PRDM16: variants seen among roughly 807,000 people sequenced by gnomAD.
PRDM16 encodes the protein PR/SET domain 16, also known as histone-lysine N-methyltransferase PRDM16.
PRDM16 carries 23 observed loss-of-function variants against 110.6 expected under a neutral mutation model. The ratio of observed to expected loss-of-function variants is 0.21; its 90% CI spans 0.15 to 0.29. PRDM16 has a LOEUF of 0.29. PRDM16 is among the 10% of genes least tolerant of loss of function. The pLI is 1.00. For missense variants in PRDM16, 1,615 were observed against 1,794.3 expected (o/e 0.90, Z 1.81); for synonymous variants, 799 against 781.8 (o/e 1.02, Z -0.37).
intron 1 of PRDM16, among the ~76,000 whole-genome samples, chr1:3,078,632 A>G (rs1396415350): frequency 6.6e-6 from 1 of 152,174 alleles, no homozygotes. Flanking sequence ...CTCTCTTTTT[A>G]ATTCGGTAGT....
chr1:3,124,240 C>T (rs947528571), intron 1 of PRDM16, among the ~76,000 whole-genome samples: 6 of 152,092 alleles, frequency 3.9e-5, no homozygotes, highest in East Asian at 1.9e-4. Context: ...AGCTGGAGGC[C>T]GGCAGTGGGG....
At chr1:3,415,119 T>C (rs1288270286) in intron 10 of PRDM16, among the ~76,000 whole-genome samples, 1 of 152,022 alleles carries the variant, frequency 6.6e-6, no homozygotes, top group Non-Finnish European at 1.5e-5. Context: ...AGGGAGGTGG[T>C]GGGCAGGGGG....
intron 1 of PRDM16, among the ~76,000 whole-genome samples, chr1:3,098,696 C>T (rs1642463384): frequency 6.6e-6 from 1 of 152,232 alleles, no homozygotes; most frequent in African/African-American, 2.4e-5. Flanking sequence ...CTGAGGTCTA[C>T]ACGGGGGTGC....
At chr1:3,268,240 G>T (rs1640343436) in intron 3 of PRDM16, among the ~76,000 whole-genome samples, 1 of 152,220 alleles carries the variant, frequency 6.6e-6, no homozygotes, top group African/African-American at 2.4e-5. Flanking sequence ...GTGGAAGTGT[G>T]TTTGTCTCCG....
chr1:3,192,576 G>T (rs1022374451), intron 2 of PRDM16, among the ~76,000 whole-genome samples: 2 of 152,166 alleles, frequency 1.3e-5, no homozygotes, highest in African/African-American at 2.4e-5. Context: ...AGTGGGCGGG[G>T]CTTGGTGCTG....
chr1:3,404,923 A>C (rs1309772814), intron 7 of PRDM16, 37 bp downstream of exon 7: 4 of 1,600,766 alleles, frequency 2.5e-6, no homozygotes, highest in Non-Finnish European at 3.4e-6. Flanking sequence ...GCCCCGGGGC[A>C]GCAGGAGGCT....
In PRDM16 at chr1:3,412,304, T is replaced by C; in HGVS notation, c.2107T>C (p.Tyr703His). Residue 703 changes from tyrosine to histidine, a missense_variant, in exon 9 of 17, where the codon TAC (tyrosine) becomes CAC (histidine). Physicochemically the swap from Tyr to His is moderately conservative, Grantham distance 83. Transcript: ENST00000270722. ...GGCCATCGCATCCATTGCCGAGAAG[T>C]ACTTTGGCCCCGGCTTCATGGGGAT... Reference protein sequence around the residue: ...IKAIASIAEKYFGPGFMGMQE... With the variant: ...IKAIASIAEKHFGPGFMGMQE... The C allele has an allele frequency of 6.2e-7, 1 of 1,613,760 alleles. No homozygotes were observed. Among genetic ancestry groups the C allele is most frequent in the Non-Finnish European group, 8.5e-7 (1 of 1,180,012 alleles).
chr1:3,394,729 AG>A (rs1261085275), intron 4 of PRDM16, among the ~76,000 whole-genome samples: 1 of 152,198 alleles, frequency 6.6e-6, no homozygotes, highest in Non-Finnish European at 1.5e-5. Context: ...CACCGCTCAG[AG>A]GGTCACCCGG....
At chr1:3,182,731 G>T (rs562469692) in intron 1 of PRDM16, among the ~76,000 whole-genome samples, 3 of 152,142 alleles carry the variant, frequency 2.0e-5, no homozygotes, top group African/African-American at 7.2e-5. Flanking sequence ...TGTATTATGC[G>T]ATCAAATGAC....
Position 3,127,196 on chromosome 1 carries a change from T to C in PRDM16, c.37+57900T>C, listed in dbSNP as rs567184858. On this transcript the variant is annotated intron_variant, in intron 1 of 16. Coordinates refer to ENST00000270722, the MANE Select transcript of PRDM16 (RefSeq NM_022114.4). ...ACTGTGCTTTCTAAAGACAAATCTT[T>C]GCACTCTTCTGCGATCCTCGCTTGA... 7.9e-5 allele frequency among the ~76,000 whole-genome samples: 12 copies of C among 152,382 alleles called. No individual in the cohort carries two copies. In the South Asian group the frequency reaches 2.3e-3, roughly 29 times the overall value.
Position 3,405,487 on chromosome 1 carries a change from C to T in PRDM16, c.1033-8C>T, listed in dbSNP as rs1049463147. 23 of 1,561,238 alleles carry T rather than the reference C, an allele frequency of 1.5e-5. No individual in the cohort carries two copies. Among genetic ancestry groups the T allele is most frequent in the Non-Finnish European group, 2.0e-5 (23 of 1,150,532 alleles). ...CAGGGCACGCGCCAACGGCATCCGT[C>T]TCCCCAGGTGTTCACGGACCCCAGC... On this transcript the variant is annotated splice_region_variant and splice_polypyrimidine_tract_variant and intron_variant, in intron 7 of 16. Transcript: ENST00000270722.
chr1:3,251,384 TCAGGCA>T (rs1423022240), intron 3 of PRDM16, among the ~76,000 whole-genome samples: 1 of 152,100 alleles, frequency 6.6e-6, no homozygotes, highest in Non-Finnish European at 1.5e-5. Flanking sequence ...AGCGGAGCAG[TCAGGCA>T]CAGCTCTGGG....
chr1:3,345,907 C>T (rs926459064), intron 3 of PRDM16, among the ~76,000 whole-genome samples: 1 of 152,144 alleles, frequency 6.6e-6, no homozygotes, highest in African/African-American at 2.4e-5. Context: ...ACAGTCCCCC[C>T]ACCCTGGGCT....
At chr1:3,217,286 G>T (rs1021781177) in intron 2 of PRDM16, among the ~76,000 whole-genome samples, 3 of 152,256 alleles carry the variant, frequency 2.0e-5, no homozygotes, top group South Asian at 2.1e-4. Flanking sequence ...TAGCGCTGGG[G>T]ATGGGGCGGC....
intron 3 of PRDM16, among the ~76,000 whole-genome samples, chr1:3,342,796 A>G (rs182665689): frequency 7.9e-5 from 12 of 152,320 alleles, no homozygotes; most frequent in Non-Finnish European, 1.5e-4. Flanking sequence ...TCTGAGGGCT[A>G]TCTATGCCAC....
chr1:3,069,381 G>A lies in PRDM16; in HGVS notation c.37+85G>A, dbSNP rs1295596866. 2 of 364,022 alleles carry A rather than the reference G, an allele frequency of 5.5e-6. No individual in the cohort carries two copies. The highest frequency in any genetic ancestry group is 7.5e-6 in the Non-Finnish European group (2 of 266,890). The allele number at this position is 364,022 out of a possible 1,614,324, so 22.5% of individuals were successfully genotyped here. A position where few individuals can be genotyped will look rare whatever the true frequency, so the allele number is the denominator to read the frequency against. ...GCCCGGGCCAGGGGTGCGCGTCGGG[G>A]CGCGGCCGGCGCGCCTGCGGCTCCG... On this transcript the variant is annotated intron_variant, in intron 1 of 16. Transcript: ENST00000270722. This position sits in a 1 kb window ranked among gnomAD's most constrained non-coding sequence, Gnocchi z 6.1.
At chr1:3,095,021 T>C (rs1316516624) in intron 1 of PRDM16, among the ~76,000 whole-genome samples, 1 of 152,182 alleles carries the variant, frequency 6.6e-6, no homozygotes, top group Non-Finnish European at 1.5e-5. Flanking sequence ...AGGGGACGGC[T>C]CTGTTGCCCT....
chr1:3,073,126 C>G (rs1641808024), intron 1 of PRDM16, among the ~76,000 whole-genome samples: 1 of 152,220 alleles, frequency 6.6e-6, no homozygotes, highest in South Asian at 2.1e-4. Flanking sequence ...CCTCGGCTCC[C>G]AAGTCCTCCT....
At chr1:3,378,494 G>A (rs773777097) in intron 3 of PRDM16, among the ~76,000 whole-genome samples, 2 of 152,178 alleles carry the variant, frequency 1.3e-5, no homozygotes, top group Non-Finnish European at 2.9e-5. Context: ...GGGCAGCCAT[G>A]GCACAGCTCT....
Sources: gnomAD v4.1 joint callset for allele counts (sites outside exome capture counted in the v4.1 genomes callset) on GRCh38, gnomAD v4.1.1 for gene constraint, Gnocchi (gnomAD v3.1) non-coding constraint, MANE v1.5 for transcripts, NCBI Gene and HGNC (gene_info 2026-07-23, HGNC 2026-07-21) for gene names.